The following OSBPL10 variants were observed in gnomAD, a reference collection of about 807,000 sequenced individuals.
OSBPL10 encodes oxysterol-binding protein-related protein 10.
In OSBPL10, 49 loss-of-function variants were observed where a neutral mutation model predicts 81.7. That is an observed-to-expected ratio of 0.60 (90% CI 0.48 to 0.76). The LOEUF is 0.76. Among genes scored for constraint, OSBPL10 ranks in the 30% least tolerant of loss-of-function variants. The probability of loss-of-function intolerance (pLI) is 0.00; values close to 1 mark genes in which losing one functional copy is unlikely to be tolerated. For missense variants in OSBPL10, 923 were observed against 987.8 expected (o/e 0.93, Z 0.88); for synonymous variants, 419 against 383.6 (o/e 1.09, Z -1.08).
intron 4 of OSBPL10, among the ~76,000 whole-genome samples, chr3:31,792,225 C>CAA (rs369733747): frequency 0.053 from 7,065 of 133,732 alleles, 254 homozygotes; most frequent in African/African-American, 0.097. Context: ...ACCCTGTCTC[C>CAA]AAAAAAAAAA....
At chr3:31,819,932 G>C (rs572450728) in intron 4 of OSBPL10, among the ~76,000 whole-genome samples, 6 of 152,258 alleles carry the variant, frequency 3.9e-5, no homozygotes, top group Admixed American at 6.5e-5. Context: ...ATCTGTAGAT[G>C]GCCACTTCTG....
At chr3:31,687,893 AAATAAT>A (rs34327662) in intron 7 of OSBPL10, among the ~76,000 whole-genome samples, 3,967 of 143,794 alleles carry the variant, frequency 0.028, 193 homozygotes, top group African/African-American at 0.096. Context: ...CCATCACTAC[AAATAAT>A]AATAATAATA....
At chr3:32,005,818 C>T (rs867605620) in intron 2 of OSBPL10, among the ~76,000 whole-genome samples, 1 of 152,098 alleles carries the variant, frequency 6.6e-6, no homozygotes. Flanking sequence ...AGTCTCCTGA[C>T]CTCGTGATCC....
intron 6 of OSBPL10, among the ~76,000 whole-genome samples, chr3:31,724,701 C>T (rs1450291831): frequency 5.9e-5 from 9 of 152,154 alleles, no homozygotes; most frequent in Admixed American, 2.6e-4. Context: ...TACTATCATG[C>T]CTTGTACTCA....
At position 31,664,120 on chromosome 3, in the gene OSBPL10, T is replaced by A. The variant is rs1424892493; in HGVS notation, c.2209A>T (p.Asn737Tyr). The A allele has an allele frequency of 1.9e-6, 3 of 1,613,888 alleles. No individual in the cohort carries two copies. The East Asian group carries it at 6.7e-5, about 36-fold the overall frequency. The change falls in exon 11 of 12, where the codon AAC becomes TAC. Residue 737 changes from asparagine to tyrosine, a missense_variant. Physicochemically the swap from Asn to Tyr is moderately radical, Grantham distance 143 (BLOSUM62 -2). Around this residue, in one of 3 missense-constraint regions of OSBPL10, gnomAD observed 387 missense variants for 436.3 expected, o/e 0.89. Transcript: ENST00000396556. ...KQRVEERKRE[N>Y]LRTPWKPKYF... ...TTGGGCTTCCATGGTGTGCGGAGGTTCTCGCGCTTCCGTTCCTCCACCCGT... is the reference window on the plus strand; with the variant it reads ...TTGGGCTTCCATGGTGTGCGGAGGTACTCGCGCTTCCGTTCCTCCACCCGT...
exon 2 of OSBPL10, chr3:32,046,570 A>G (rs1288576039): frequency 1.3e-5 from 2 of 152,232 alleles, no homozygotes; most frequent in African/African-American, 4.8e-5. Context: ...CTGCTGCAGC[A>G]GCCAGATAGG....
At chr3:31,823,840 GTGTA>G (rs1283116661) in intron 4 of OSBPL10, among the ~76,000 whole-genome samples, 4 of 90,070 alleles carry the variant, frequency 4.4e-5, no homozygotes, top group Non-Finnish European at 6.9e-5. Context: ...ATTTGTATGT[GTGTA>G]TGTGTGTGTG....
chr3:31,670,857 G>A lies in OSBPL10; in HGVS notation c.1853C>T (p.Thr618Ile). 6.2e-7 allele frequency: 1 copy of A among 1,614,154 alleles called. No individual in the cohort carries two copies. The highest frequency in any genetic ancestry group is 8.5e-7 in the Non-Finnish European group (1 of 1,180,022). The stretch of plus-strand genomic sequence containing the variant: ...GAATATCACTGTCGCTGAGTACCCA[G>A]TCTTGGCACAGTTGATGCTGACTTT... ...GGKVSINCAK[T>I]GYSATVIFHT... is the part of the protein sequence containing the mutation. The change falls in exon 9 of 12, where the codon ACT becomes ATT. Residue 618 changes from threonine to isoleucine, a missense_variant. By Grantham distance (89) the Thr-to-Ile change is moderately conservative (BLOSUM62 -1). Around this residue, in one of 3 missense-constraint regions of OSBPL10, gnomAD observed 387 missense variants for 436.3 expected, o/e 0.89. Transcript: ENST00000396556.
At chr3:31,917,424 T>TA (rs1423026007) in intron 1 of OSBPL10, among the ~76,000 whole-genome samples, 2 of 144,288 alleles carry the variant, frequency 1.4e-5, no homozygotes, top group Admixed American at 1.4e-4. Context: ...TCTGTTAATT[T>TA]ACATGATGGG....
intron 3 of OSBPL10, among the ~76,000 whole-genome samples, chr3:31,865,445 C>T (rs1447100182): frequency 6.6e-6 from 1 of 152,182 alleles, no homozygotes; most frequent in Non-Finnish European, 1.5e-5. Flanking sequence ...TTTTCATCTA[C>T]TGTTTCTTAG....
chr3:31,700,419 G>A (rs1388100839), intron 7 of OSBPL10: 1 of 151,662 alleles, frequency 6.6e-6, no homozygotes, highest in East Asian at 1.9e-4. Flanking sequence ...ATCTGACCTT[G>A]GCAATTTCAA....
At chr3:31,704,435 G>A (rs143736745) in intron 6 of OSBPL10, among the ~76,000 whole-genome samples, 2 of 152,238 alleles carry the variant, frequency 1.3e-5, no homozygotes, top group African/African-American at 2.4e-5. Flanking sequence ...AGCTGGGGGA[G>A]GAGAGGGTAG....
chr3:31,672,582 A>G (rs1392620043), intron 8 of OSBPL10, among the ~76,000 whole-genome samples: 7 of 152,148 alleles, frequency 4.6e-5, no homozygotes. Context: ...AGATGTGTTC[A>G]ACTATAGTTC....
intron 1 of OSBPL10, among the ~76,000 whole-genome samples, chr3:31,973,327 A>C (rs113167045): frequency 2.6e-5 from 4 of 152,180 alleles, no homozygotes; most frequent in African/African-American, 7.2e-5. Flanking sequence ...AGACACCTGC[A>C]GATTTGCCAA....
At chr3:31,885,995 C>CAAAAAAAAAAAAAA (rs397957994) in intron 1 of OSBPL10, among the ~76,000 whole-genome samples, 2 of 62,508 alleles carry the variant, frequency 3.2e-5, no homozygotes, top group Non-Finnish European at 5.7e-5. Context: ...AACTCCATCT[C>CAAAAAAAAAAAAAA]AAAAAAAAAA....
intron 6 of OSBPL10, among the ~76,000 whole-genome samples, chr3:31,716,255 A>T (rs1005175890): frequency 6.6e-6 from 1 of 152,174 alleles, no homozygotes. Context: ...CAATATACAA[A>T]TCTTATTGTA....
At position 31,831,685 on chromosome 3, in the gene OSBPL10, T is replaced by C. The variant is rs1700244851; in HGVS notation, c.538-1454A>G. Among the ~76,000 whole-genome samples, 4 of 152,348 alleles carry C rather than the reference T, an allele frequency of 2.6e-5. No individual in the cohort carries two copies. In the South Asian group the frequency reaches 8.3e-4, roughly 32 times the overall value. On this transcript the variant is annotated intron_variant, in intron 3 of 11. Transcript: ENST00000396556. The stretch of plus-strand genomic sequence containing the variant: ...AGATAAATGTAAATTCAAACTACTT[T>C]AGATAACCATCTTTCACTCATCAGA...
chr3:31,772,234 G>A (rs1020878958), intron 4 of OSBPL10, among the ~76,000 whole-genome samples: 1 of 152,140 alleles, frequency 6.6e-6, no homozygotes, highest in African/African-American at 2.4e-5. Flanking sequence ...AGGTTCAACT[G>A]CCAAGGTCCT....
intron 6 of OSBPL10, among the ~76,000 whole-genome samples, chr3:31,717,337 G>T (rs1298839725): frequency 6.6e-6 from 1 of 152,130 alleles, no homozygotes; most frequent in Non-Finnish European, 1.5e-5. Context: ...ACCACAAGCA[G>T]ATCAAGAGCT....
Sources: gnomAD v4.1 joint callset for allele counts (sites outside exome capture counted in the v4.1 genomes callset) on GRCh38, gnomAD v4.1.1 for gene constraint, gnomAD v4.1.1 regional missense constraint, MANE v1.5 for transcripts, NCBI Gene and HGNC (gene_info 2026-07-23, HGNC 2026-07-21) for gene names.